Variants in BCCIP observed in about 807,000 individuals in gnomAD.
BCCIP encodes the protein BRCA2 and CDKN1A-interacting protein.
Under a neutral mutation model 32.8 loss-of-function variants are expected in BCCIP, and 23 were observed. The ratio of observed to expected loss-of-function variants is 0.70; its 90% CI spans 0.51 to 0.99. The LOEUF (loss-of-function observed/expected upper bound fraction) is 0.99, where lower values mean the gene tolerates loss of function less well. Among genes scored for constraint, BCCIP ranks in the 50% least tolerant of loss-of-function variants. The pLI, the probability that BCCIP is intolerant of heterozygous loss-of-function variation, is 0.00. For synonymous variants in BCCIP, 144 were observed against 137.6 expected, an observed-to-expected ratio of 1.05 and a Z score of -0.33; for missense variants, 378 against 379.8, an observed-to-expected ratio of 1.00 and a Z score of 0.04.
At chr10:125,846,851 T>C (rs994068272), downstream of BCCIP, among the ~76,000 whole-genome samples, 1 of 152,182 alleles carries the variant, frequency 6.6e-6, no homozygotes, top group Non-Finnish European at 1.5e-5. Flanking sequence ...GGAGCTGACA[T>C]AGTAAATCAT....
At chr10:125,836,042 T>G in intron 6 of BCCIP, 62 bp from the exon 7 acceptor site, 1 of 1,428,362 alleles carries the variant, frequency 7.0e-7, no homozygotes, top group Non-Finnish European at 9.8e-7. Flanking sequence ...TTGCCGTAGA[T>G]CAAATGGGTT....
At chr10:125,838,438 A>AT, downstream of BCCIP, 10 of 1,450,202 alleles carry the variant, frequency 6.9e-6, no homozygotes, top group Non-Finnish European at 9.2e-6. Context: ...TATGGAGATC[A>AT]TTATACAAAG....
At chr10:125,847,938 C>G (rs933884642) in intron 7 of BCCIP, among the ~76,000 whole-genome samples, 1 of 152,204 alleles carries the variant, frequency 6.6e-6, no homozygotes, top group African/African-American at 2.4e-5. Context: ...GCTTGCCCCC[C>G]ACTCACCTCC....
downstream of BCCIP, chr10:125,838,887 G>T: frequency 8.2e-7 from 1 of 1,216,754 alleles, no homozygotes; most frequent in Non-Finnish European, 1.1e-6. Context: ...TAATAACATG[G>T]ATTTTTAGTT....
chr10:125,840,417 A>G (rs1854841456), downstream of BCCIP, among the ~76,000 whole-genome samples: 1 of 152,218 alleles, frequency 6.6e-6, no homozygotes, highest in Admixed American at 6.5e-5. Flanking sequence ...CTGCACTAGT[A>G]TCTGGAGCTC....
At chr10:125,837,542 G>A (rs904638558), downstream of BCCIP, among the ~76,000 whole-genome samples, 2 of 152,052 alleles carry the variant, frequency 1.3e-5, no homozygotes, top group Middle Eastern at 3.2e-3. Flanking sequence ...ATCCTCTGTC[G>A]CAGAATCTCA....
At chr10:125,841,724 G>C in exon 7 of BCCIP, 1 of 1,595,568 alleles carries the variant, frequency 6.3e-7, no homozygotes, top group Non-Finnish European at 8.5e-7. Flanking sequence ...AAAAGAAAAG[G>C]AATAGTCATT....
chr10:125,832,226 G>T (rs1214264071), intron 5 of BCCIP, among the ~76,000 whole-genome samples: 7 of 149,576 alleles, frequency 4.7e-5, no homozygotes, highest in African/African-American at 1.7e-4. Flanking sequence ...TTTTGGTAGA[G>T]ACAGGGTCTT....
At chr10:125,824,409 C>T (rs947495134) in intron 1 of BCCIP, among the ~76,000 whole-genome samples, 1 of 152,204 alleles carries the variant, frequency 6.6e-6, no homozygotes, top group Admixed American at 6.5e-5. Context: ...TAAATAGATA[C>T]CTCAGCCTTA....
At chr10:125,829,321 G>C (rs1720108025) in intron 3 of BCCIP, among the ~76,000 whole-genome samples, 1 of 152,218 alleles carries the variant, frequency 6.6e-6, no homozygotes, top group Non-Finnish European at 1.5e-5. Context: ...TGCTACATAT[G>C]TGTAGCTGTC....
chr10:125,841,439 C>T, downstream of BCCIP: 2 of 1,558,164 alleles, frequency 1.3e-6, no homozygotes, highest in Non-Finnish European at 8.7e-7. Flanking sequence ...GGAAAAACAC[C>T]TCTAGTGACA....
intron 7 of BCCIP, chr10:125,852,197 T>G (rs1368388186): frequency 6.9e-7 from 1 of 1,443,824 alleles, no homozygotes; most frequent in African/African-American, 1.4e-5. Flanking sequence ...CATGCTTGTG[T>G]GCATTGCTGC....
At chr10:125,844,856 G>C (rs1311912198), downstream of BCCIP, among the ~76,000 whole-genome samples, 1 of 152,182 alleles carries the variant, frequency 6.6e-6, no homozygotes, top group Non-Finnish European at 1.5e-5. Flanking sequence ...GCTTGCCAGC[G>C]GCAGCTGTAC....
At chr10:125,839,757 G>A (rs1012365511), downstream of BCCIP, among the ~76,000 whole-genome samples, 10 of 152,156 alleles carry the variant, frequency 6.6e-5, no homozygotes, top group Admixed American at 6.5e-4. Context: ...AGGCATGTGG[G>A]TGAGTTTGAA....
At chr10:125,848,501 G>C (rs1380904662) in intron 7 of BCCIP, among the ~76,000 whole-genome samples, 2 of 152,162 alleles carry the variant, frequency 1.3e-5, no homozygotes, top group Admixed American at 6.5e-5. Context: ...TGTAAAGTGA[G>C]GTTTTGAACT....
intron 6 of BCCIP, 109 bp downstream of exon 6, chr10:125,834,055 T>C: frequency 8.0e-7 from 1 of 1,247,810 alleles, no homozygotes; most frequent in Non-Finnish European, 1.1e-6. Flanking sequence ...CAAGTGTGGC[T>C]ACTCTGTTTT....
At chr10:125,827,372 T>C (rs543084867) in intron 2 of BCCIP, among the ~76,000 whole-genome samples, 186 bp from the exon 3 acceptor site, 1 of 152,250 alleles carries the variant, frequency 6.6e-6, no homozygotes, top group Non-Finnish European at 1.5e-5. Flanking sequence ...GACTTCTTCT[T>C]TTCTGAAATT....
At chr10:125,853,519 T>C (rs1944118761) in exon 8 of BCCIP, 1 of 223,122 alleles carries the variant, frequency 4.5e-6, no homozygotes, top group Non-Finnish European at 8.7e-6. Flanking sequence ...GTCAGTATAC[T>C]TGAAACAAGT....
At chr10:125,842,925 T>G (rs1489678304), downstream of BCCIP, 1 of 373,918 alleles carries the variant, frequency 2.7e-6, no homozygotes, top group Non-Finnish European at 3.7e-6. Flanking sequence ...AAATATATTC[T>G]CTTTGTGGAA....
Sources: allele counts gnomAD v4.1 joint callset (sites outside exome capture counted in the v4.1 genomes callset), GRCh38; gene constraint gnomAD v4.1.1; transcripts MANE v1.5; gene names NCBI Gene and HGNC (gene_info 2026-07-23, HGNC 2026-07-21).